The following CPPED1 variants were observed in gnomAD, a reference collection of about 807,000 sequenced individuals.
The protein encoded by CPPED1 is calcineurin like phosphoesterase domain containing 1, also known as serine/threonine-protein phosphatase CPPED1.
A neutral mutation model predicts 28.0 loss-of-function variants in CPPED1; 28 were observed. That is an observed-to-expected ratio of 1.00 (90% CI 0.74 to 1.37). The LOEUF (loss-of-function observed/expected upper bound fraction) is 1.37, where lower values mean the gene tolerates loss of function less well. CPPED1 is among the 40% of genes most tolerant of loss of function. CPPED1 has a pLI of 0.00. For synonymous variants in CPPED1, 198 were observed against 180.2 expected, an observed-to-expected ratio of 1.10 and a Z score of -0.79; for missense variants, 504 against 416.5, an observed-to-expected ratio of 1.21 and a Z score of -1.83.
intron 1 of CPPED1, among the ~76,000 whole-genome samples, chr16:12,796,776 C>T (rs1337234312): frequency 6.6e-6 from 1 of 152,072 alleles, no homozygotes; most frequent in Admixed American, 6.6e-5. Flanking sequence ...GTGTCTGTGA[C>T]TGTTCATAGC....
chr16:12,792,934 T>C (rs1276401424), intron 1 of CPPED1, among the ~76,000 whole-genome samples: 1 of 152,122 alleles, frequency 6.6e-6, no homozygotes, highest in Non-Finnish European at 1.5e-5. Context: ...ATTAGTACAC[T>C]TCCCCTCCTC....
In CPPED1 at chr16:12,766,266, G is replaced by T. The variant is rs1334564844; in HGVS notation, c.289+14919C>A. On this transcript the variant is annotated intron_variant, in intron 2 of 3. Coordinates refer to ENST00000381774, the MANE Select transcript of CPPED1 (RefSeq NM_018340.3). ...AAATATATATATATATAGAGAGAGA[G>T]AGAGAGAGAGGGAGAGAGAGAGAGA... 9.4e-4 allele frequency among the ~76,000 whole-genome samples: 117 copies of T among 124,648 alleles called. 3 individuals are homozygous for T. The highest frequency in any genetic ancestry group is 4.3e-3 in the African/African-American group (104 of 24,378). The allele number at this position is 124,648 out of a possible 152,430, so 81.8% of individuals were successfully genotyped here.
At chr16:12,767,735 A>C (rs540613354) in intron 2 of CPPED1, among the ~76,000 whole-genome samples, 3 of 152,150 alleles carry the variant, frequency 2.0e-5, no homozygotes, top group Non-Finnish European at 2.9e-5. Flanking sequence ...AGGCAGGCGG[A>C]TCATCTGAGG....
chr16:12,692,055 T>C (rs2079966542), intron 3 of CPPED1, among the ~76,000 whole-genome samples: 1 of 152,044 alleles, frequency 6.6e-6, no homozygotes, highest in Non-Finnish European at 1.5e-5. Context: ...GGTTTTGCCA[T>C]GTTTGCCAGG....
chr16:12,731,035 T>C (rs1428650687), intron 2 of CPPED1, among the ~76,000 whole-genome samples: 2 of 152,060 alleles, frequency 1.3e-5, no homozygotes, highest in African/African-American at 2.4e-5. Flanking sequence ...TTTTAGTCTT[T>C]ATAAAGAGTA....
chr16:12,760,374 A>G (rs1232945638), intron 2 of CPPED1: 2 of 152,208 alleles, frequency 1.3e-5, no homozygotes, highest in African/African-American at 4.8e-5. Flanking sequence ...TCACAGGTAG[A>G]AACAATTTTA....
At chr16:12,782,959 A>G (rs530858565) in intron 1 of CPPED1, among the ~76,000 whole-genome samples, 3 of 152,164 alleles carry the variant, frequency 2.0e-5, no homozygotes, top group Non-Finnish European at 4.4e-5. Context: ...TGTAATTTCC[A>G]AAAAGCTCCT....
At chr16:12,736,792 T>C (rs1015470206) in intron 2 of CPPED1, among the ~76,000 whole-genome samples, 1 of 152,170 alleles carries the variant, frequency 6.6e-6, no homozygotes, top group Non-Finnish European at 1.5e-5. Context: ...GGATGATCAG[T>C]GCAGCTAATA....
In CPPED1 at chr16:12,704,916, C is replaced by T. The variant is rs1169636189; in HGVS notation, c.423G>A (p.Glu141=). 7 of 1,614,196 alleles carry T rather than the reference C, an allele frequency of 4.3e-6. No homozygotes were observed. The highest frequency in any genetic ancestry group is 3.3e-5 in the Admixed American group (2 of 60,018). ...AGTCATCTCCCCAAGTCCGGCAGAA[C>T]TCCTCGACGGTCTCGGCCGTGGGGG... The part of the protein sequence containing the change: ...GNTPTAETVE[E]FCRTWGDDYF... The change falls in exon 3 of 4, where the codon GAG becomes GAA. Residue 141 remains glutamate, a synonymous_variant. Coordinates refer to ENST00000381774, the MANE Select transcript of CPPED1 (RefSeq NM_018340.3).
intron 3 of CPPED1, among the ~76,000 whole-genome samples, chr16:12,668,919 T>G (rs2079839995): frequency 6.6e-6 from 1 of 152,260 alleles, no homozygotes; most frequent in South Asian, 2.1e-4. Flanking sequence ...GAAAACATTT[T>G]GGCAATTCCT....
At chr16:12,735,296 A>G (rs933097588) in intron 2 of CPPED1, among the ~76,000 whole-genome samples, 3 of 152,094 alleles carry the variant, frequency 2.0e-5, no homozygotes, top group Non-Finnish European at 4.4e-5. Context: ...CCCCAAAAAT[A>G]TATATATTTT....
Position 12,704,873 on chromosome 16 carries a change from C to A in CPPED1, c.466G>T (p.Gly156Trp). 1 of 1,614,146 alleles carries A rather than the reference C, an allele frequency of 6.2e-7. No individual in the cohort carries two copies. The highest frequency in any genetic ancestry group is 1.3e-5 in the African/African-American group (1 of 75,030). The change falls in exon 3 of 4, where the codon GGG (glycine) becomes TGG (tryptophan). Residue 156 changes from glycine to tryptophan, a missense_variant. Coordinates refer to ENST00000381774, the MANE Select transcript of CPPED1 (RefSeq NM_018340.3). ...WGDDYFSFWV[G>W]GVLFLVLNSQ... is the part of the protein sequence containing the mutation. ...TTGAGGACCAGGAACAGGACGCCCC[C>A]GACCCAGAAGCTGAAGTAGTCATCT...
chr16:12,691,435 C>T (rs928471883), intron 3 of CPPED1, among the ~76,000 whole-genome samples: 2 of 152,116 alleles, frequency 1.3e-5, no homozygotes, highest in Non-Finnish European at 2.9e-5. Flanking sequence ...AGTAGAAACA[C>T]AATTTGACCC....
chr16:12,790,580 C>A (rs9302488), intron 1 of CPPED1, among the ~76,000 whole-genome samples: 42,851 of 151,952 alleles, frequency 0.28, 8,072 homozygotes, highest in African/African-American at 0.54. Context: ...AAATAATTCA[C>A]GGTAGAATAC....
Position 12,729,390 on chromosome 16 carries a change from A to G in CPPED1, c.290-24341T>C, listed in dbSNP as rs562009402. Among the ~76,000 whole-genome samples the G allele has an allele frequency of 2.0e-5, 3 of 152,352 alleles. No individual in the cohort carries two copies. The East Asian group carries it at 5.8e-4, about 29-fold the overall frequency. ...GAACGTGATCAGCTTAAATGTCCAT[A>G]TAATTGTATACAAAGATTTTTGCAA... On this transcript the variant is annotated intron_variant, in intron 2 of 3. Transcript: ENST00000381774.
intron 3 of CPPED1, among the ~76,000 whole-genome samples, chr16:12,701,923 C>T (rs1173489610): frequency 6.6e-6 from 1 of 152,196 alleles, no homozygotes; most frequent in South Asian, 2.1e-4. Context: ...AATAAGGCAG[C>T]TAACCCCCCT....
At chr16:12,680,199 G>A (rs1419531483) in intron 3 of CPPED1, among the ~76,000 whole-genome samples, 1 of 152,108 alleles carries the variant, frequency 6.6e-6, no homozygotes, top group Non-Finnish European at 1.5e-5. Flanking sequence ...AAAATTGCCT[G>A]CATTTCTCCC....
At chr16:12,676,040 C>A (rs531003164) in intron 3 of CPPED1, among the ~76,000 whole-genome samples, 1 of 152,316 alleles carries the variant, frequency 6.6e-6, no homozygotes, top group South Asian at 2.1e-4. Flanking sequence ...TAAGCCCCAC[C>A]TGACTCATTC....
intron 1 of CPPED1, among the ~76,000 whole-genome samples, chr16:12,782,245 G>C (rs553979005): frequency 1.3e-5 from 2 of 152,164 alleles, no homozygotes; most frequent in Non-Finnish European, 2.9e-5. Flanking sequence ...GAAGTGCTGT[G>C]GGTTTCACTT....
Sources: gnomAD v4.1 joint callset for allele counts (sites outside exome capture counted in the v4.1 genomes callset) on GRCh38, gnomAD v4.1.1 for gene constraint, MANE v1.5 for transcripts, NCBI Gene and HGNC (gene_info 2026-07-23, HGNC 2026-07-21) for gene names.